The following RBFOX1 variants were observed in gnomAD, a reference collection of about 807,000 sequenced individuals.
The protein encoded by RBFOX1 is RNA binding protein fox-1 homolog 1.
A neutral mutation model predicts 57.7 loss-of-function variants in RBFOX1; 8 were observed. That is an observed-to-expected ratio of 0.14 (90% CI 0.08 to 0.25). RBFOX1 has a LOEUF of 0.25. Ranked by LOEUF, RBFOX1 falls within the 10% of genes least tolerant of loss-of-function variation. The pLI is 1.00. For missense variants in RBFOX1, 611 were observed against 548.5 expected, an observed-to-expected ratio of 1.11 and a Z score of -1.14; for synonymous variants, 326 against 222.4, an observed-to-expected ratio of 1.47 and a Z score of -4.15.
intron 3 of RBFOX1, among the ~76,000 whole-genome samples, chr16:6,874,646 A>G (rs184357330): frequency 6.6e-6 from 1 of 152,080 alleles, no homozygotes; most frequent in African/African-American, 2.4e-5. Context: ...TCCCACTTAC[A>G]ATGGTTTTCC....
chr16:7,031,327 G>T (rs1253245852), intron 3 of RBFOX1, among the ~76,000 whole-genome samples: 1 of 152,130 alleles, frequency 6.6e-6, no homozygotes, highest in Non-Finnish European at 1.5e-5. Context: ...TGGGTGCTAT[G>T]GCTCATACCT....
chr16:5,686,230 G>A (rs1049033906), intron 3 of RBFOX1, among the ~76,000 whole-genome samples: 1 of 152,306 alleles, frequency 6.6e-6, no homozygotes, highest in East Asian at 1.9e-4. Context: ...GCTGCCTGGG[G>A]AAGGGGAACA....
intron 3 of RBFOX1, among the ~76,000 whole-genome samples, chr16:5,804,850 C>T (rs573569152): frequency 6.6e-6 from 1 of 150,488 alleles, no homozygotes; most frequent in African/African-American, 2.5e-5. Context: ...TAAATGAGGC[C>T]CTCCTTGTTG....
intron 4 of RBFOX1, among the ~76,000 whole-genome samples, chr16:5,955,776 G>A (rs565676858): frequency 6.6e-6 from 1 of 152,158 alleles, no homozygotes; most frequent in East Asian, 1.9e-4. Flanking sequence ...ATAAGAAAAA[G>A]GCAGTGACCA....
chr16:6,545,304 C>T (rs895033089), intron 2 of RBFOX1, among the ~76,000 whole-genome samples: 1 of 152,128 alleles, frequency 6.6e-6, no homozygotes, highest in Admixed American at 6.5e-5. Flanking sequence ...CCCTCCTGGC[C>T]TTCAATAAAA....
At chr16:5,757,451 C>T (rs572080984) in intron 3 of RBFOX1, among the ~76,000 whole-genome samples, 3 of 152,006 alleles carry the variant, frequency 2.0e-5, no homozygotes, top group South Asian at 2.1e-4. Flanking sequence ...GGGATGGTCT[C>T]GATCTCTTGA....
At chr16:5,411,917 C>T (rs972909269) in intron 1 of RBFOX1, among the ~76,000 whole-genome samples, 1 of 152,202 alleles carries the variant, frequency 6.6e-6, no homozygotes, top group East Asian at 1.9e-4. Flanking sequence ...AACCCCACTG[C>T]TCCTTTTTAA....
chr16:6,977,703 T>C (rs985742107), intron 3 of RBFOX1, among the ~76,000 whole-genome samples: 3 of 152,092 alleles, frequency 2.0e-5, no homozygotes, highest in Admixed American at 6.5e-5. Flanking sequence ...GAATATTGAT[T>C]GAAATGAATT....
At chr16:6,319,321 G>T (rs182559298) in intron 2 of RBFOX1, among the ~76,000 whole-genome samples, 2 of 152,142 alleles carry the variant, frequency 1.3e-5, no homozygotes, top group African/African-American at 2.4e-5. Context: ...ATTTTTTCCA[G>T]AATGTTTCCT....
chr16:6,642,862 C>A lies in RBFOX1; in HGVS notation c.-63-11741C>A, dbSNP rs190737102. On this transcript the variant is annotated intron_variant, in intron 2 of 15. Coordinates refer to ENST00000550418, the MANE Select transcript of RBFOX1 (RefSeq NM_018723.4). ...AAAGTCAGCAGCTCTGCCCTGCAAC[C>A]TACCCAACTAAGGTAAACTTTACTC... Among the ~76,000 whole-genome samples the A allele has an allele frequency of 5.4e-4, 82 of 152,254 alleles. No homozygotes were observed. The Middle Eastern group carries it at 0.01, about 19-fold the overall frequency.
At chr16:7,120,676 C>A (rs2066907941) in intron 4 of RBFOX1, among the ~76,000 whole-genome samples, 1 of 142,020 alleles carries the variant, frequency 7.0e-6, no homozygotes, top group African/African-American at 2.6e-5. Flanking sequence ...GGCTATTCCA[C>A]CAAACATTTA....
At chr16:6,014,871 T>TC (rs2094983745), upstream of RBFOX1, among the ~76,000 whole-genome samples, 5 of 149,292 alleles carry the variant, frequency 3.3e-5, no homozygotes, top group Admixed American at 3.4e-4. Context: ...TTTTTTTTTT[T>TC]CTGAGACCAA....
chr16:5,856,183 C>CTATATATATATATATATATATATA (rs1299997922), intron 3 of RBFOX1, among the ~76,000 whole-genome samples: 1 of 45,890 alleles, frequency 2.2e-5, no homozygotes, highest in African/African-American at 1.0e-4. Flanking sequence ...CTCTCTCTCT[C>CTATATATATATATATATATATATA]TCTCTATATA....
chr16:7,084,465 G>C (rs1311815373), intron 4 of RBFOX1, among the ~76,000 whole-genome samples: 2 of 152,158 alleles, frequency 1.3e-5, no homozygotes, highest in South Asian at 2.1e-4. Flanking sequence ...GTCTTACTTA[G>C]AGAGATCCAT....
chr16:6,460,993 T>G (rs755669978), intron 2 of RBFOX1, among the ~76,000 whole-genome samples: 2 of 152,058 alleles, frequency 1.3e-5, no homozygotes, highest in Non-Finnish European at 2.9e-5. Context: ...CTTAGCAAAC[T>G]AAAGCAAGAA....
chr16:6,712,485 C>A (rs1211519710), intron 3 of RBFOX1, among the ~76,000 whole-genome samples: 1 of 152,038 alleles, frequency 6.6e-6, no homozygotes, highest in Non-Finnish European at 1.5e-5. Flanking sequence ...CTATTTTCTC[C>A]CAGTTTTTTC....
At chr16:6,587,047 T>C (rs2097636380) in intron 2 of RBFOX1, among the ~76,000 whole-genome samples, 1 of 152,170 alleles carries the variant, frequency 6.6e-6, no homozygotes, top group Admixed American at 6.5e-5. Flanking sequence ...ACTTAAAATC[T>C]ATTCCTTTAG....
chr16:7,089,733 A>G (rs1422466066), intron 4 of RBFOX1, among the ~76,000 whole-genome samples: 1 of 152,178 alleles, frequency 6.6e-6, no homozygotes, highest in Non-Finnish European at 1.5e-5. Context: ...GTTTCCTAGT[A>G]ATTAATCTTG....
intron 4 of RBFOX1, among the ~76,000 whole-genome samples, chr16:7,069,990 A>G (rs1351050735): frequency 6.6e-6 from 1 of 152,184 alleles, no homozygotes; most frequent in East Asian, 1.9e-4. Flanking sequence ...AGGTTTTCTG[A>G]TCAGTGGATA....
Sources: gnomAD v4.1 joint callset for allele counts (sites outside exome capture counted in the v4.1 genomes callset) on GRCh38, gnomAD v4.1.1 for gene constraint, MANE v1.5 for transcripts, NCBI Gene and HGNC (gene_info 2026-07-23, HGNC 2026-07-21) for gene names.